LDB2: variants seen among roughly 807,000 people sequenced by gnomAD.
The protein encoded by LDB2 is LIM domain-binding protein 2.
In LDB2, 12 loss-of-function variants were observed where a neutral mutation model predicts 44.3. That is an observed-to-expected ratio of 0.27 (90% CI 0.17 to 0.44). The LOEUF is 0.44. LDB2 is among the 20% of genes least tolerant of loss of function. The pLI is 1.00. For synonymous variants in LDB2, 164 were observed against 174.8 expected (o/e 0.94, Z 0.49); for missense variants, 344 against 473.5 (o/e 0.73, Z 2.54).
At chr4:16,674,344 C>T in intron 2 of LDB2, 1 of 1,097,232 alleles carries the variant, frequency 9.1e-7, no homozygotes, top group East Asian at 5.9e-5. Context: ...TGCTCTTTGT[C>T]TCTGAGATGC....
intron 1 of LDB2, among the ~76,000 whole-genome samples, chr4:16,835,443 C>T (rs1183964911): frequency 2.6e-5 from 4 of 152,210 alleles, no homozygotes; most frequent in Non-Finnish European, 5.9e-5. Flanking sequence ...TATGGTGTTT[C>T]ATGCATCAGT....
At chr4:16,690,546 G>C (rs1436324810) in intron 2 of LDB2, among the ~76,000 whole-genome samples, 8 of 109,410 alleles carry the variant, frequency 7.3e-5, no homozygotes, top group Non-Finnish European at 3.9e-5. Context: ...GGGAGGTTGG[G>C]GAAAGGAAGG....
intron 2 of LDB2, among the ~76,000 whole-genome samples, chr4:16,607,575 G>A (rs992251151): frequency 2.6e-5 from 4 of 152,198 alleles, no homozygotes; most frequent in Middle Eastern, 3.2e-3. Flanking sequence ...GTGGGCAGTT[G>A]CAAATATTAA....
At chr4:16,666,354 CA>C (rs1197439226) in intron 2 of LDB2, among the ~76,000 whole-genome samples, 6 of 149,500 alleles carry the variant, frequency 4.0e-5, no homozygotes, top group East Asian at 2.0e-4. Flanking sequence ...AATCAGAAGG[CA>C]AAAAAAAAGG....
At chr4:16,752,787 C>T (rs1481101418) in intron 2 of LDB2, among the ~76,000 whole-genome samples, 1 of 151,898 alleles carries the variant, frequency 6.6e-6, no homozygotes, top group African/African-American at 2.4e-5. Context: ...TGTCATCTCA[C>T]ATGCCTAACA....
In LDB2 at chr4:16,751,897, T is replaced by C. The variant is rs564275596; in HGVS notation, c.235+7261A>G. On this transcript the variant is annotated intron_variant, in intron 2 of 7. Transcript: ENST00000304523. ...AGCCTAATGAAGACTGCTACTGAAA[T>C]GGACACTCATTAATCACAATATCAG... is the stretch of plus-strand genomic sequence containing the variant. Among the ~76,000 whole-genome samples the C allele has an allele frequency of 5.3e-5, 8 of 152,296 alleles. No individual in the cohort carries two copies. The South Asian group carries it at 1.5e-3, about 28-fold the overall frequency.
intron 2 of LDB2, among the ~76,000 whole-genome samples, chr4:16,657,950 G>A (rs1194646037): frequency 2.0e-5 from 3 of 152,148 alleles, no homozygotes. Context: ...TTCTGTGTGT[G>A]TTCTGTTCTC....
At chr4:16,857,276 G>A (rs756974044) in intron 1 of LDB2, among the ~76,000 whole-genome samples, 3 of 152,080 alleles carry the variant, frequency 2.0e-5, no homozygotes, top group African/African-American at 2.4e-5. Flanking sequence ...AATCTTACGT[G>A]CCCTTTTTAT....
intron 5 of LDB2, among the ~76,000 whole-genome samples, chr4:16,542,740 A>G (rs957472692): frequency 1.4e-5 from 2 of 147,470 alleles, no homozygotes; most frequent in Admixed American, 1.3e-4. Flanking sequence ...TTTTTAACCA[A>G]TTTACAAATG....
At chr4:16,646,321 G>A (rs950659104) in intron 2 of LDB2, among the ~76,000 whole-genome samples, 1 of 152,074 alleles carries the variant, frequency 6.6e-6, no homozygotes, top group Non-Finnish European at 1.5e-5. Flanking sequence ...TCAGAGTACT[G>A]TAAATTATAT....
chr4:16,842,804 G>A (rs773173344), intron 1 of LDB2, among the ~76,000 whole-genome samples: 9 of 152,260 alleles, frequency 5.9e-5, no homozygotes, highest in Non-Finnish European at 1.2e-4. Flanking sequence ...GTCAGGTTCT[G>A]GAACTGGTAT....
chr4:16,804,278 T>C (rs1378977778), intron 1 of LDB2, among the ~76,000 whole-genome samples: 1 of 152,124 alleles, frequency 6.6e-6, no homozygotes, highest in Non-Finnish European at 1.5e-5. Context: ...AGATTTTGTG[T>C]TTATATTACA....
chr4:16,897,815 C>T (rs974491414), intron 1 of LDB2, among the ~76,000 whole-genome samples: 1 of 150,644 alleles, frequency 6.6e-6, no homozygotes, highest in African/African-American at 2.4e-5. Context: ...ACTCTTCTGC[C>T]CCTTTTTACC....
intron 2 of LDB2, among the ~76,000 whole-genome samples, chr4:16,690,675 C>T (rs1750542702): frequency 6.6e-6 from 1 of 152,030 alleles, no homozygotes; most frequent in Non-Finnish European, 1.5e-5. Context: ...AACCAATGGA[C>T]AACCCTCAGG....
chr4:16,816,198 CTG>C (rs995321185), intron 1 of LDB2, among the ~76,000 whole-genome samples: 1 of 152,094 alleles, frequency 6.6e-6, no homozygotes, highest in African/African-American at 2.4e-5. Flanking sequence ...GAGCAAGACT[CTG>C]TCTCCAAAAG....
chr4:16,779,474 C>A (rs1434578705), intron 1 of LDB2, among the ~76,000 whole-genome samples: 1 of 152,190 alleles, frequency 6.6e-6, no homozygotes, highest in Non-Finnish European at 1.5e-5. Context: ...AGTGGCTCTG[C>A]TGTTAGCCCC....
rs879616169 is a variant in LDB2, at chr4:16,672,837, TTCC to T, written c.236-76965_236-76963del. On this transcript the variant is annotated intron_variant, in intron 2 of 7. Transcript: ENST00000304523. The stretch of plus-strand genomic sequence containing the variant: ...GTGCCTGCCTGCCTGCCTTCTTTCC[TTCC>T]TTCCTTCCTTCCTTTCCTCCCTCCC... Among the ~76,000 whole-genome samples, 190 of 151,746 alleles carry T rather than the reference TTCC, an allele frequency of 1.3e-3. 1 individual carries two copies. The highest frequency in any genetic ancestry group is 1.8e-3 in the Non-Finnish European group (120 of 67,890).
intron 2 of LDB2, among the ~76,000 whole-genome samples, chr4:16,597,122 G>T (rs1024445020): frequency 3.3e-5 from 5 of 152,124 alleles, no homozygotes; most frequent in Non-Finnish European, 7.4e-5. Context: ...AATCCACTTT[G>T]TGTGGATCTA....
intron 1 of LDB2, among the ~76,000 whole-genome samples, chr4:16,824,812 T>C (rs887439254): frequency 2.0e-5 from 3 of 152,236 alleles, no homozygotes; most frequent in Non-Finnish European, 4.4e-5. Flanking sequence ...CACATGGTTA[T>C]TGAGTGCCAG....
Sources: allele counts gnomAD v4.1 joint callset (sites outside exome capture counted in the v4.1 genomes callset), GRCh38; gene constraint gnomAD v4.1.1; transcripts MANE v1.5; gene names NCBI Gene and HGNC (gene_info 2026-07-23, HGNC 2026-07-21).